MCM3AP: variants seen among roughly 807,000 people sequenced by gnomAD.
MCM3AP encodes germinal-center associated nuclear protein.
MCM3AP carries 126 observed loss-of-function variants against 184.1 expected under a neutral mutation model. The observed-to-expected ratio is 0.68, with a 90% confidence interval of 0.59 to 0.79. The LOEUF (loss-of-function observed/expected upper bound fraction) is 0.79, where lower values mean the gene tolerates loss of function less well. Ranked by LOEUF, MCM3AP falls within the 30% of genes least tolerant of loss-of-function variation. The pLI is 0.00. For missense variants in MCM3AP, 2,496 were observed against 2,479.2 expected, an observed-to-expected ratio of 1.01 and a Z score of -0.14; for synonymous variants, 1,002 against 979.3, an observed-to-expected ratio of 1.02 and a Z score of -0.43.
Position 46,235,156 on chromosome 21 carries a change from A to G in MCM3AP, c.*112T>C. 8.4e-7 allele frequency: 1 copy of G among 1,188,026 alleles called. No homozygotes were observed. Among genetic ancestry groups the G allele is most frequent in the Non-Finnish European group, 1.2e-6 (1 of 840,992 alleles). The allele number at this position is 1,188,026 out of a possible 1,614,324, so 73.6% of individuals were successfully genotyped here. A position where few individuals can be genotyped will look rare whatever the true frequency, so the allele number is the denominator to read the frequency against. On this transcript the variant is annotated 3_prime_UTR_variant, in exon 28 of 28. Coordinates refer to ENST00000291688, the MANE Select transcript of MCM3AP (RefSeq NM_003906.5). The stretch of plus-strand genomic sequence containing the variant: ...ACTGACATTTAAATGGTTTATCTGC[A>G]TGATTAAATTAATCACATTTCCAAC...
In MCM3AP at chr21:46,267,101, C is replaced by T. The variant is rs200316081; in HGVS notation, c.2670G>A (p.Thr890=). 610 of 1,614,008 alleles carry T rather than the reference C, an allele frequency of 3.8e-4. 5 individuals carry two copies. In the South Asian group the frequency reaches 6.0e-3, roughly 16 times the overall value. The part of the protein sequence containing the change: ...DALRALNFAY[T]VSTQRSTIFP... ...AGATGGTAGATCGCTGTGTGCTCAC[C>T]GTGTACGCAAAGTTGAGCGCCCGGA... is the stretch of plus-strand genomic sequence containing the variant. Residue 890 remains threonine, a synonymous_variant, in exon 10 of 28, where the codon ACG becomes ACA. Transcript: ENST00000291688.
At chr21:46,254,867 AGT>A in intron 17 of MCM3AP, 23 bp from the exon 18 acceptor site, 1 of 1,597,020 alleles carries the variant, frequency 6.3e-7, no homozygotes, top group Non-Finnish European at 8.6e-7. Context: ...GCAGAATGAC[AGT>A]GTCCCCGCAG....
At position 46,256,787 on chromosome 21, in the gene MCM3AP, A is replaced by T; in HGVS notation, c.3932+2T>A. The stretch of plus-strand genomic sequence containing the variant: ...ACGAGGCAGGCGACAGCTGATGCTG[A>T]CCTGGTGCAGGAGATGCCCAATCTC... On this transcript the variant is annotated splice_donor_variant, in intron 17 of 27. Transcript: ENST00000291688. LOFTEE classifies it high-confidence loss of function. The T allele has an allele frequency of 6.5e-7, 1 of 1,549,818 alleles. No homozygotes were observed. Among genetic ancestry groups the T allele is most frequent in the Non-Finnish European group, 8.7e-7 (1 of 1,146,222 alleles).
chr21:46,283,941 C>T, intron 1 of MCM3AP, 103 bp from the exon 2 acceptor site: 1 of 1,542,020 alleles, frequency 6.5e-7, no homozygotes, highest in Non-Finnish European at 8.8e-7. Flanking sequence ...AAGACCTGCT[C>T]CGATGACATG....
chr21:46,265,249 G>A, intron 12 of MCM3AP, 72 bp downstream of exon 12: 1 of 1,422,272 alleles, frequency 7.0e-7, no homozygotes, highest in Non-Finnish European at 9.8e-7. Flanking sequence ...CCCACCTCAT[G>A]GGGTGATGAC....
intron 5 of MCM3AP, among the ~76,000 whole-genome samples, chr21:46,277,195 A>G (rs547738049): frequency 1.3e-5 from 2 of 152,330 alleles, no homozygotes; most frequent in South Asian, 2.1e-4. Context: ...ACATTGTAAC[A>G]GTGTAAGAAT....
At chr21:46,260,755 A>G (rs2081030646) in intron 15 of MCM3AP, 38 bp downstream of exon 15, 1 of 1,437,350 alleles carries the variant, frequency 7.0e-7, no homozygotes, top group Admixed American at 1.7e-5. Flanking sequence ...GCCAAAGCTC[A>G]CTCTCCTGGC....
intron 9 of MCM3AP, among the ~76,000 whole-genome samples, chr21:46,268,956 T>G (rs2081146637): frequency 6.6e-6 from 1 of 151,992 alleles, no homozygotes; most frequent in Admixed American, 6.6e-5. Context: ...GAGAATCACT[T>G]GAACCCAGGA....
intron 8 of MCM3AP, among the ~76,000 whole-genome samples, chr21:46,270,836 G>A (rs138354010): frequency 7.9e-5 from 12 of 152,284 alleles, no homozygotes; most frequent in African/African-American, 2.6e-4. Context: ...CAACCATACT[G>A]AGAAGGAGGG....
intron 26 of MCM3AP, among the ~76,000 whole-genome samples, chr21:46,238,900 T>C (rs1417605194): frequency 6.6e-6 from 1 of 152,074 alleles, no homozygotes; most frequent in East Asian, 1.9e-4. Flanking sequence ...TATACTTTAG[T>C]GAGGAGAGAC....
chr21:46,266,179 CA>C lies in MCM3AP; in HGVS notation c.2790-14del. Reference sequence around the variant, plus strand: ...CAGCTCCACACAGCTACCCAGACCACAAAAGACCCCCGAGGGGTGTCACCAG... The same window carrying C: ...CAGCTCCACACAGCTACCCAGACCACAAAGACCCCCGAGGGGTGTCACCAG... On this transcript the variant is annotated splice_polypyrimidine_tract_variant and intron_variant, in intron 10 of 27. Coordinates refer to ENST00000291688, the MANE Select transcript of MCM3AP (RefSeq NM_003906.5). 4 of 1,590,418 alleles carry C rather than the reference CA, an allele frequency of 2.5e-6. No homozygotes were observed. Among genetic ancestry groups the C allele is most frequent in the Non-Finnish European group, 3.4e-6 (4 of 1,165,818 alleles).
At chr21:46,246,989 A>G in intron 20 of MCM3AP, 103 bp from the exon 21 acceptor site, 2 of 1,229,668 alleles carry the variant, frequency 1.6e-6, no homozygotes, top group South Asian at 2.7e-5. Flanking sequence ...CGTGCACTAA[A>G]TACTGACTGT....
intron 17 of MCM3AP, 61 bp downstream of exon 17, chr21:46,256,728 C>T: frequency 6.6e-7 from 1 of 1,518,050 alleles, no homozygotes; most frequent in East Asian, 2.5e-5. Context: ...TAATTCCGCT[C>T]CTGGTAAAAC....
intron 25 of MCM3AP, chr21:46,242,549 T>G: frequency 3.6e-6 from 1 of 279,324 alleles, no homozygotes. Context: ...AATTTGGAAG[T>G]GAGATGAAAT....
At position 46,235,178 on chromosome 21, in the gene MCM3AP, C is replaced by T. The variant is rs2080496123; in HGVS notation, c.*90G>A. On this transcript the variant is annotated 3_prime_UTR_variant, in exon 28 of 28. Transcript: ENST00000291688. ...TGCATGATTAAATTAATCACATTTC[C>T]AACAGTGCATCAAGCATCTGAGAAT... 2 of 1,323,056 alleles carry T rather than the reference C, an allele frequency of 1.5e-6. No homozygotes were observed. The highest frequency in any genetic ancestry group is 2.1e-6 in the Non-Finnish European group (2 of 942,466). The allele number at this position is 1,323,056 out of a possible 1,614,324, so 82.0% of individuals were successfully genotyped here.
intron 9 of MCM3AP, among the ~76,000 whole-genome samples, chr21:46,268,416 C>G (rs1295088448): frequency 6.6e-6 from 1 of 152,196 alleles, no homozygotes; most frequent in African/African-American, 2.4e-5. Flanking sequence ...AATCCCTGTC[C>G]CCACATAGCT....
At position 46,284,787 on chromosome 21, in the gene MCM3AP, GT is replaced by G. The variant is rs1569086375; in HGVS notation, c.499del (p.Thr167ProfsTer31). 2 of 1,613,710 alleles carry G rather than the reference GT, an allele frequency of 1.2e-6. No individual in the cohort carries two copies. Among genetic ancestry groups the G allele is most frequent in the Non-Finnish European group, 1.7e-6 (2 of 1,179,912 alleles). On this transcript the variant is annotated frameshift_variant, in exon 1 of 28. Coordinates refer to ENST00000291688, the MANE Select transcript of MCM3AP (RefSeq NM_003906.5). LOFTEE classifies it high-confidence loss of function. ...AAACCCAGAAGCAATTTGGCTCTGG[GT>G]TTTCTCTGGCTCAGATTCAGCCCCC... ...ILGAESEPEK[T>X]QSQIASGFFT... is the part of the protein sequence containing the mutation.
intron 5 of MCM3AP, among the ~76,000 whole-genome samples, chr21:46,277,189 T>C (rs892590775): frequency 1.3e-5 from 2 of 152,308 alleles, no homozygotes; most frequent in Non-Finnish European, 2.9e-5. Context: ...AGTTCAACAT[T>C]GTAACAGTGT....
At position 46,273,466 on chromosome 21, in the gene MCM3AP, G is replaced by C; in HGVS notation, c.2118C>G (p.Thr706=). The change falls in exon 7 of 28, where the codon ACC becomes ACG. Residue 706 remains threonine (T), a synonymous_variant. Transcript: ENST00000291688. ...TGCCCTCCTTCTGGTCCATGATCTG[G>C]GTCACCAGGTAGTCCATGGTCCTGC... ...VLSRTMDYLV[T]QIMDQKEGSL... The C allele has an allele frequency of 6.2e-7, 1 of 1,613,920 alleles. No homozygotes were observed. Among genetic ancestry groups the C allele is most frequent in the African/African-American group, 1.3e-5 (1 of 75,054 alleles).
Sources: gnomAD v4.1 joint callset for allele counts (sites outside exome capture counted in the v4.1 genomes callset) on GRCh38, gnomAD v4.1.1 for gene constraint, MANE v1.5 for transcripts, NCBI Gene and HGNC (gene_info 2026-07-23, HGNC 2026-07-21) for gene names.